MAGI2: variants seen among roughly 807,000 people sequenced by gnomAD.
The protein encoded by MAGI2 is membrane-associated guanylate kinase, WW and PDZ domain-containing protein 2.
Under a neutral mutation model 133.3 loss-of-function variants are expected in MAGI2, and 35 were observed. The ratio of observed to expected loss-of-function variants is 0.26; its 90% CI spans 0.20 to 0.35. The LOEUF is 0.35. Among genes scored for constraint, MAGI2 ranks in the 10% least tolerant of loss-of-function variants. The pLI, the probability that MAGI2 is intolerant of heterozygous loss-of-function variation, is 1.00. For synonymous variants in MAGI2, 729 were observed against 710.6 expected (o/e 1.03, Z -0.41); for missense variants, 1,636 against 1,863.4 (o/e 0.88, Z 2.25).
chr7:78,701,326 G>T (rs765084171), intron 2 of MAGI2, among the ~76,000 whole-genome samples: 1 of 151,844 alleles, frequency 6.6e-6, no homozygotes, highest in African/African-American at 2.4e-5. Context: ...GGTACATTTG[G>T]CATGGGGTTG....
intron 2 of MAGI2, among the ~76,000 whole-genome samples, chr7:78,896,137 A>G (rs1202917825): frequency 6.6e-6 from 1 of 152,210 alleles, no homozygotes; most frequent in African/African-American, 2.4e-5. Flanking sequence ...TTAATTTGGG[A>G]TATAATTTTC....
At chr7:78,108,830 C>A (rs1000973138) in intron 20 of MAGI2, among the ~76,000 whole-genome samples, 3 of 151,828 alleles carry the variant, frequency 2.0e-5, no homozygotes, top group Admixed American at 1.3e-4. Flanking sequence ...GAGAACTTCC[C>A]AAACCTAGAG....
At chr7:78,845,613 A>G (rs1431155673) in intron 2 of MAGI2, among the ~76,000 whole-genome samples, 1 of 152,032 alleles carries the variant, frequency 6.6e-6, no homozygotes, top group Non-Finnish European at 1.5e-5. Flanking sequence ...ATTGCTGTCA[A>G]CTAACCGGTA....
chr7:78,355,106 AC>A (rs1791928408), intron 7 of MAGI2, among the ~76,000 whole-genome samples: 1 of 152,206 alleles, frequency 6.6e-6, no homozygotes. Context: ...TTATGCCATT[AC>A]TAGAAGATCA....
intron 2 of MAGI2, among the ~76,000 whole-genome samples, chr7:78,645,111 C>CATGTGT (rs35673298): frequency 6.7e-6 from 1 of 148,238 alleles, no homozygotes; most frequent in Non-Finnish European, 1.5e-5. Context: ...TATGTGTGTG[C>CATGTGT]GTGTGTGTGT....
rs35069216 is a variant in MAGI2 at position 78,564,783 on chromosome 7, C to CTTTTTTTTTTTTTTTTT, written c.539-43155_539-43139dup. Among the ~76,000 whole-genome samples the CTTTTTTTTTTTTTTTTT allele has an allele frequency of 1.1e-4, 7 of 64,318 alleles. 2 individuals carry two copies. Among genetic ancestry groups the CTTTTTTTTTTTTTTTTT allele is most frequent in the Non-Finnish European group, 1.4e-4 (5 of 36,136 alleles). The allele number at this position is 64,318 out of a possible 152,430, so 42.2% of individuals were successfully genotyped here. On this transcript the variant is annotated intron_variant, in intron 3 of 21. Transcript: ENST00000354212. Reference sequence around the variant, plus strand: ...TACTTCATCTCATCTCTTTGACATTCTTTTTTTTTTTTTTTTTTTTTTTTT... The same window carrying CTTTTTTTTTTTTTTTTT: ...TACTTCATCTCATCTCTTTGACATTCTTTTTTTTTTTTTTTTTTTTTTTTTTTTTTTTTTTTTTTTTT...
intron 1 of MAGI2, among the ~76,000 whole-genome samples, chr7:79,272,251 A>G (rs1054748970): frequency 1.3e-5 from 2 of 152,106 alleles, no homozygotes; most frequent in African/African-American, 2.4e-5. Context: ...ACCTGTTGGA[A>G]TTCTACTCTT....
intron 1 of MAGI2, among the ~76,000 whole-genome samples, chr7:79,210,796 A>G (rs1829437037): frequency 6.6e-6 from 1 of 152,066 alleles, no homozygotes; most frequent in Non-Finnish European, 1.5e-5. Flanking sequence ...AATAGCATTA[A>G]ATATTCTCTC....
At chr7:79,123,494 G>C (rs964884730) in intron 1 of MAGI2, among the ~76,000 whole-genome samples, 1 of 152,072 alleles carries the variant, frequency 6.6e-6, no homozygotes, top group Non-Finnish European at 1.5e-5. Context: ...AATATTAAAA[G>C]AGATAATGCA....
chr7:78,190,152 A>C (rs973975637), intron 12 of MAGI2, among the ~76,000 whole-genome samples: 19 of 152,166 alleles, frequency 1.2e-4, no homozygotes, highest in African/African-American at 4.6e-4. Context: ...AATGTGGGAA[A>C]CCTTACTACC....
At chr7:78,178,160 G>C (rs1018370334) in intron 13 of MAGI2, 58 bp from the exon 14 acceptor site, 4 of 1,046,660 alleles carry the variant, frequency 3.8e-6, no homozygotes, top group Admixed American at 1.7e-5. Context: ...AGCCCCTGAG[G>C]AACTGAACAT....
At chr7:79,304,684 G>A (rs1837648204) in intron 1 of MAGI2, among the ~76,000 whole-genome samples, 1 of 152,172 alleles carries the variant, frequency 6.6e-6, no homozygotes, top group East Asian at 1.9e-4. Context: ...CTGCTGCTGA[G>A]CACTGAATGT....
chr7:78,137,120 A>T (rs1584093315), intron 16 of MAGI2, among the ~76,000 whole-genome samples: 1 of 151,870 alleles, frequency 6.6e-6, no homozygotes, highest in East Asian at 1.9e-4. Flanking sequence ...TGATGTAGGC[A>T]TTGCAAGGTA....
intron 2 of MAGI2, among the ~76,000 whole-genome samples, chr7:79,003,204 G>T (rs535716761): frequency 5.3e-5 from 8 of 151,486 alleles, no homozygotes; most frequent in African/African-American, 1.2e-4. Context: ...AGCAGGTGGT[G>T]GGGGGGAGGT....
intron 1 of MAGI2, among the ~76,000 whole-genome samples, chr7:79,367,928 G>C (rs1842825251): frequency 7.1e-6 from 1 of 141,610 alleles, no homozygotes; most frequent in Admixed American, 7.4e-5. Flanking sequence ...CAGATAACAA[G>C]GGCTGAATAG....
intron 14 of MAGI2, among the ~76,000 whole-genome samples, chr7:78,172,250 C>T (rs113452392): frequency 0.022 from 3,395 of 152,320 alleles, 57 homozygotes; most frequent in Non-Finnish European, 0.035. Flanking sequence ...CTTTCCTGCA[C>T]TGCCCGATGT....
chr7:78,573,307 T>TAA (rs1801873533), intron 3 of MAGI2, among the ~76,000 whole-genome samples: 5 of 49,832 alleles, frequency 1.0e-4, no homozygotes, highest in Non-Finnish European at 1.9e-4. Context: ...TATATTTATA[T>TAA]ATATAAATAT....
At chr7:78,046,778 CA>C (rs1294160514) in intron 21 of MAGI2, among the ~76,000 whole-genome samples, 2 of 152,014 alleles carry the variant, frequency 1.3e-5, no homozygotes, top group Non-Finnish European at 2.9e-5. Context: ...AGAACTAAAT[CA>C]AAAGCTGTAA....
At chr7:78,275,425 C>T (rs556332373) in intron 9 of MAGI2, among the ~76,000 whole-genome samples, 22 of 152,154 alleles carry the variant, frequency 1.4e-4, no homozygotes, top group Non-Finnish European at 2.5e-4. Flanking sequence ...TTTATCTTGA[C>T]ATAACAGTCT....
Sources: gnomAD v4.1 joint callset for allele counts (sites outside exome capture counted in the v4.1 genomes callset) on GRCh38, gnomAD v4.1.1 for gene constraint, MANE v1.5 for transcripts, NCBI Gene and HGNC (gene_info 2026-07-23, HGNC 2026-07-21) for gene names.